The following RGS22 variants were observed in gnomAD, a reference collection of about 807,000 sequenced individuals.
RGS22 encodes the protein regulator of G-protein signaling 22.
Under a neutral mutation model 172.9 loss-of-function variants are expected in RGS22, and 148 were observed. That is an observed-to-expected ratio of 0.86 (90% CI 0.75 to 0.98). The LOEUF (loss-of-function observed/expected upper bound fraction) is 0.98. RGS22 is among the 50% of genes least tolerant of loss of function. The pLI is 0.00. For synonymous variants in RGS22, 458 were observed against 480.2 expected (o/e 0.95, Z 0.60); for missense variants, 1,347 against 1,440.8 (o/e 0.93, Z 1.05).
Position 100,021,872 on chromosome 8 carries a change from T to G in RGS22, c.2167-13303A>C, listed in dbSNP as rs543750751. Among the ~76,000 whole-genome samples the G allele has an allele frequency of 2.0e-5, 3 of 152,268 alleles. No individual in the cohort carries two copies. In the East Asian group the frequency reaches 5.8e-4, roughly 29 times the overall value. On this transcript the variant is annotated intron_variant, in intron 14 of 27. Transcript: ENST00000360863. ...TTTCAGAAATCACAAAATATTTACTTCAGCAAAAAGAGAAGTCTGTTTTCA... is the reference window on the plus strand; with the variant it reads ...TTTCAGAAATCACAAAATATTTACTGCAGCAAAAAGAGAAGTCTGTTTTCA...
chr8:100,055,798 T>C (rs767585185), intron 9 of RGS22, among the ~76,000 whole-genome samples: 3 of 152,186 alleles, frequency 2.0e-5, no homozygotes, highest in Non-Finnish European at 4.4e-5. Context: ...TTTCCAGCCA[T>C]GTGGAACTGT....
chr8:99,971,675 T>C (rs934243131), intron 23 of RGS22, among the ~76,000 whole-genome samples: 2 of 152,146 alleles, frequency 1.3e-5, no homozygotes, highest in African/African-American at 4.8e-5. Flanking sequence ...ACAAGGGACC[T>C]GAAGGACATC....
chr8:100,045,590 T>A (rs1820633284), intron 11 of RGS22, among the ~76,000 whole-genome samples: 2 of 152,064 alleles, frequency 1.3e-5, no homozygotes, highest in Admixed American at 6.6e-5. Flanking sequence ...AAAGGCACTC[T>A]TATACAAGCT....
Position 100,105,434 on chromosome 8 carries a change from C to T in RGS22, c.26-32G>A, listed in dbSNP as rs76315185. 4,411 of 1,575,410 alleles carry T rather than the reference C, an allele frequency of 2.8e-3. 74 individuals are homozygous for T. In the African/African-American group the frequency reaches 0.045, roughly 16 times the overall value. On this transcript the variant is annotated intron_variant, in intron 1 of 27. Coordinates refer to ENST00000360863, the MANE Select transcript of RGS22 (RefSeq NM_015668.5). Reference sequence around the variant, plus strand: ...CAAGACAAAATATTACATTATCTCCCTCAAATCTGATTTCCTTTGAGTAAA... The same window carrying T: ...CAAGACAAAATATTACATTATCTCCTTCAAATCTGATTTCCTTTGAGTAAA...
chr8:100,047,548 G>A lies in RGS22; in HGVS notation c.1738C>T (p.Pro580Ser), dbSNP rs1481350938. 4 of 1,612,992 alleles carry A rather than the reference G, an allele frequency of 2.5e-6. No individual in the cohort carries two copies. The highest frequency in any genetic ancestry group is 3.4e-6 in the Non-Finnish European group (4 of 1,179,522). The change falls in exon 11 of 28, where the codon CCT (proline) becomes TCT (serine). Residue 580 changes from proline (P) to serine (S), a missense_variant. By Grantham distance (74) the Pro-to-Ser change is moderately conservative. Transcript: ENST00000360863. Reference protein sequence around the residue: ...SQPPKSPNKSPEVKTATQKPW... With the variant: ...SQPPKSPNKSSEVKTATQKPW... ...TTTTGAGTTGCTGTTTTTACTTCAGGTGATTTATTGGGAGATTTAGGAGGT... is the reference window on the plus strand; with the variant it reads ...TTTTGAGTTGCTGTTTTTACTTCAGATGATTTATTGGGAGATTTAGGAGGT...
chr8:100,068,515 T>G (rs1454970296), intron 6 of RGS22, among the ~76,000 whole-genome samples: 1 of 152,194 alleles, frequency 6.6e-6, no homozygotes, highest in Non-Finnish European at 1.5e-5. Context: ...TTTAATTAAA[T>G]TCACATATAG....
intron 2 of RGS22, among the ~76,000 whole-genome samples, chr8:100,103,824 A>G (rs1813691655): frequency 6.6e-6 from 1 of 152,240 alleles, no homozygotes; most frequent in Non-Finnish European, 1.5e-5. Context: ...GGGAATGCCT[A>G]GAGTCTTCAG....
intron 12 of RGS22, among the ~76,000 whole-genome samples, 155 bp from the exon 13 acceptor site, chr8:100,040,242 G>T (rs1286909156): frequency 6.6e-6 from 1 of 152,138 alleles, no homozygotes; most frequent in Non-Finnish European, 1.5e-5. Flanking sequence ...CAGTATGTTT[G>T]CATTTGAGAG....
intron 3 of RGS22, among the ~76,000 whole-genome samples, chr8:100,088,276 T>C (rs990279941): frequency 6.6e-6 from 1 of 152,160 alleles, no homozygotes; most frequent in Non-Finnish European, 1.5e-5. Flanking sequence ...GACATACCTA[T>C]CCTTGCGAGG....
chr8:100,008,210 G>A (rs1163236943), intron 15 of RGS22, among the ~76,000 whole-genome samples, 165 bp downstream of exon 15: 2 of 151,764 alleles, frequency 1.3e-5, no homozygotes, highest in East Asian at 3.9e-4. Context: ...GCTAATTTTT[G>A]TATTTTTAGT....
chr8:100,043,953 C>A (rs1820437024), intron 11 of RGS22, among the ~76,000 whole-genome samples: 2 of 152,048 alleles, frequency 1.3e-5, no homozygotes, highest in Admixed American at 6.5e-5. Context: ...GAATGAAGAA[C>A]TATATGCAAA....
intron 2 of RGS22, among the ~76,000 whole-genome samples, chr8:100,093,833 C>T (rs1212026207): frequency 6.6e-6 from 1 of 152,124 alleles, no homozygotes; most frequent in Non-Finnish European, 1.5e-5. Flanking sequence ...AATAATACCA[C>T]CACATGGTAA....
intron 9 of RGS22, chr8:100,054,416 G>C (rs1377506942): frequency 4.5e-5 from 7 of 154,262 alleles, no homozygotes; most frequent in Non-Finnish European, 8.8e-5. Context: ...AACATACCAA[G>C]CTTGTCTCTA....
At chr8:100,093,891 G>T (rs1563726931) in intron 2 of RGS22, among the ~76,000 whole-genome samples, 1 of 152,050 alleles carries the variant, frequency 6.6e-6, no homozygotes, top group Non-Finnish European at 1.5e-5. Context: ...AAAAATAAAG[G>T]CAGAGTCAAC....
intron 10 of RGS22, among the ~76,000 whole-genome samples, chr8:100,048,322 G>A (rs948983742): frequency 1.3e-5 from 2 of 152,034 alleles, no homozygotes; most frequent in Admixed American, 6.6e-5. Flanking sequence ...TCTAAGTACA[G>A]TAAAACAAAA....
chr8:100,030,679 G>A (rs995225409), intron 14 of RGS22, among the ~76,000 whole-genome samples: 1 of 152,168 alleles, frequency 6.6e-6, no homozygotes, highest in African/African-American at 2.4e-5. Context: ...AGAAGAAACT[G>A]TCAACCTAGA....
rs189097973 is a variant in RGS22, at chr8:100,033,444, T to A, written c.2166+5487A>T. Among the ~76,000 whole-genome samples, 790 of 151,658 alleles carry A rather than the reference T, an allele frequency of 5.2e-3. 6 individuals carry two copies. The highest frequency in any genetic ancestry group is 0.018 in the African/African-American group (726 of 41,350). ...AGAAATGGATAAATTCCTTGACACA[T>A]ACACCCTCCCAAGACTAAACCAGGA... On this transcript the variant is annotated intron_variant, in intron 14 of 27. Coordinates refer to ENST00000360863, the MANE Select transcript of RGS22 (RefSeq NM_015668.5).
At chr8:100,065,632 A>G (rs1810484895) in intron 7 of RGS22, among the ~76,000 whole-genome samples, 1 of 152,140 alleles carries the variant, frequency 6.6e-6, no homozygotes, top group Non-Finnish European at 1.5e-5. Flanking sequence ...TTTTATGAAA[A>G]GTCAGTATAT....
At chr8:99,984,168 C>T (rs1351318161) in intron 21 of RGS22, among the ~76,000 whole-genome samples, 1 of 152,072 alleles carries the variant, frequency 6.6e-6, no homozygotes, top group Non-Finnish European at 1.5e-5. Flanking sequence ...TGCCTGTAGT[C>T]CCAGCTACTG....
Sources: gnomAD v4.1 joint callset for allele counts (sites outside exome capture counted in the v4.1 genomes callset) on GRCh38, gnomAD v4.1.1 for gene constraint, MANE v1.5 for transcripts, NCBI Gene and HGNC (gene_info 2026-07-23, HGNC 2026-07-21) for gene names.